Variants in CMIP observed in about 807,000 individuals in gnomAD.
CMIP encodes C-Maf-inducing protein.
Under a neutral mutation model 97.3 loss-of-function variants are expected in CMIP, and 13 were observed. The observed-to-expected ratio is 0.13, with a 90% CI of 0.09 to 0.21. CMIP has a LOEUF of 0.21. Among genes scored for constraint, CMIP ranks in the 10% least tolerant of loss-of-function variants. The probability of loss-of-function intolerance (pLI) is 1.00; values close to 1 mark genes in which losing one functional copy is unlikely to be tolerated. For synonymous variants in CMIP, 538 were observed against 436.3 expected, an observed-to-expected ratio of 1.23 and a Z score of -2.91; for missense variants, 847 against 1,024.9, an observed-to-expected ratio of 0.83 and a Z score of 2.37.
intron 1 of CMIP, among the ~76,000 whole-genome samples, chr16:81,468,123 G>A (rs571035638): frequency 2.0e-5 from 3 of 152,218 alleles, no homozygotes; most frequent in South Asian, 2.1e-4. Context: ...TGAAATGCAC[G>A]ATCAGGGGCA....
intron 1 of CMIP, among the ~76,000 whole-genome samples, chr16:81,483,241 G>A (rs1423600646): frequency 6.6e-6 from 1 of 152,212 alleles, no homozygotes; most frequent in African/African-American, 2.4e-5. Flanking sequence ...AGCTGTGCAT[G>A]TGCAAAGGCC....
intron 18 of CMIP, 103 bp downstream of exon 18, chr16:81,704,188 C>A: frequency 1.1e-6 from 1 of 894,412 alleles, no homozygotes; most frequent in Non-Finnish European, 1.7e-6. Context: ...TCAGCCTCCT[C>A]CCTGCCCCCT....
At chr16:81,578,310 G>C (rs1476686475) in intron 1 of CMIP, among the ~76,000 whole-genome samples, 1 of 152,202 alleles carries the variant, frequency 6.6e-6, no homozygotes, top group Non-Finnish European at 1.5e-5. Context: ...CTAAAAGTGA[G>C]AGACACTGCA....
chr16:81,496,169 G>C (rs2089487175), intron 1 of CMIP, among the ~76,000 whole-genome samples: 3 of 152,158 alleles, frequency 2.0e-5, no homozygotes, highest in Admixed American at 2.0e-4. Flanking sequence ...ATGAGTGCTG[G>C]GTGAGTTAAC....
In CMIP at chr16:81,445,146, G is replaced by A; in HGVS notation, c.-96G>A. 2 of 636,036 alleles carry A rather than the reference G, an allele frequency of 3.1e-6. No homozygotes were observed. The highest frequency in any genetic ancestry group is 4.7e-6 in the Non-Finnish European group (2 of 424,314). The allele number at this position is 636,036 out of a possible 1,614,324, so 39.4% of individuals were successfully genotyped here. ...ACACCCCCCCACCTTCCCGGGGGGT[G>A]GGGGGGTGCGGGCCGCCGGATCCGG... On this transcript the variant is annotated 5_prime_UTR_variant, in exon 1 of 21. Coordinates refer to ENST00000537098, the MANE Select transcript of CMIP (RefSeq NM_198390.3).
intron 15 of CMIP, chr16:81,700,596 C>A (rs1907282579): frequency 6.6e-6 from 1 of 152,508 alleles, no homozygotes; most frequent in African/African-American, 2.4e-5. Flanking sequence ...AGCTAGACTT[C>A]ACCCCTCAGT....
intron 6 of CMIP, among the ~76,000 whole-genome samples, 180 bp downstream of exon 6, chr16:81,661,126 C>T (rs759419663): frequency 6.6e-6 from 1 of 152,274 alleles, no homozygotes; most frequent in Non-Finnish European, 1.5e-5. Context: ...ACCCACGTCT[C>T]TGCCAGACAG....
chr16:81,591,740 C>T (rs2091469613), intron 1 of CMIP, among the ~76,000 whole-genome samples: 1 of 151,822 alleles, frequency 6.6e-6, no homozygotes, highest in African/African-American at 2.4e-5. Flanking sequence ...GGCAGGTGCA[C>T]AGGGGTGTGC....
chr16:81,542,770 C>T (rs977493290), intron 1 of CMIP, among the ~76,000 whole-genome samples: 1 of 152,116 alleles, frequency 6.6e-6, no homozygotes, highest in Non-Finnish European at 1.5e-5. Flanking sequence ...TCATGGGGGC[C>T]CCAACTTCAT....
At chr16:81,569,952 C>G (rs996795592) in intron 1 of CMIP, among the ~76,000 whole-genome samples, 3 of 150,176 alleles carry the variant, frequency 2.0e-5, no homozygotes, top group Non-Finnish European at 4.4e-5. Flanking sequence ...AACTTTCATT[C>G]ATTCATTCAT....
At chr16:81,535,991 G>A (rs550286954) in intron 1 of CMIP, among the ~76,000 whole-genome samples, 3 of 152,228 alleles carry the variant, frequency 2.0e-5, no homozygotes, top group South Asian at 2.1e-4. Context: ...AGGGAACCTC[G>A]GTGACAAGGG....
intron 1 of CMIP, among the ~76,000 whole-genome samples, chr16:81,555,491 A>G (rs2090743894): frequency 6.6e-6 from 1 of 152,218 alleles, no homozygotes; most frequent in Admixed American, 6.5e-5. Context: ...GGATGCACAC[A>G]GACTCAGTGT....
intron 3 of CMIP, among the ~76,000 whole-genome samples, chr16:81,633,465 C>T (rs1467635853): frequency 1.3e-5 from 2 of 152,204 alleles, no homozygotes; most frequent in South Asian, 2.1e-4. Context: ...CTTGCTTCAC[C>T]GAGGGATCAT....
At chr16:81,471,362 A>C (rs1907531659) in intron 1 of CMIP, among the ~76,000 whole-genome samples, 1 of 152,246 alleles carries the variant, frequency 6.6e-6, no homozygotes, top group Non-Finnish European at 1.5e-5. Context: ...ACATATGTAT[A>C]CATGTATGTG....
intron 1 of CMIP, among the ~76,000 whole-genome samples, chr16:81,484,476 T>C (rs1014205490): frequency 6.6e-6 from 1 of 152,080 alleles, no homozygotes; most frequent in African/African-American, 2.4e-5. Context: ...CCATTTTGAC[T>C]CTGGTGGAGA....
chr16:81,517,902 T>G, intron 1 of CMIP: 1 of 981,730 alleles, frequency 1.0e-6, no homozygotes, highest in Non-Finnish European at 1.2e-6. Context: ...CTCTTTTCAA[T>G]GTGGACCTCC....
At chr16:81,656,996 A>G (rs923077423) in intron 4 of CMIP, among the ~76,000 whole-genome samples, 1 of 152,150 alleles carries the variant, frequency 6.6e-6, no homozygotes, top group Non-Finnish European at 1.5e-5. Flanking sequence ...CAGGTTTTGC[A>G]TTCTCAGACT....
In CMIP at chr16:81,626,845, A is replaced by AGT. The variant is rs139476724; in HGVS notation, c.477+5932_477+5933dup. 3.2e-3 allele frequency among the ~76,000 whole-genome samples: 329 copies of AGT among 101,696 alleles called. 4 individuals carry two copies. The highest frequency in any genetic ancestry group is 9.5e-3 in the African/African-American group (240 of 25,384). The allele number at this position is 101,696 out of a possible 152,430, so 66.7% of individuals were successfully genotyped here. A position where few individuals can be genotyped will look rare whatever the true frequency, so the allele number is the denominator to read the frequency against. On this transcript the variant is annotated intron_variant, in intron 3 of 20. Coordinates refer to ENST00000537098, the MANE Select transcript of CMIP (RefSeq NM_198390.3). Reference sequence around the variant, plus strand: ...GTGCATATGGGGTGACTATTTTATGAGTGTGTGTGTGTGTCCTGTGGGGTA... The same window carrying AGT: ...GTGCATATGGGGTGACTATTTTATGAGTGTGTGTGTGTGTGTCCTGTGGGGTA...
At chr16:81,477,143 T>C (rs1478694884) in intron 1 of CMIP, among the ~76,000 whole-genome samples, 1 of 152,080 alleles carries the variant, frequency 6.6e-6, no homozygotes, top group Non-Finnish European at 1.5e-5. Flanking sequence ...ACATCGGGCT[T>C]GGAAATGTCG....
Sources: gnomAD v4.1 joint callset for allele counts (sites outside exome capture counted in the v4.1 genomes callset) on GRCh38, gnomAD v4.1.1 for gene constraint, MANE v1.5 for transcripts, NCBI Gene and HGNC (gene_info 2026-07-23, HGNC 2026-07-21) for gene names.